EVA1C: variants seen among roughly 807,000 people sequenced by gnomAD.
The protein encoded by EVA1C is protein eva-1 homolog C.
Under a neutral mutation model 45.4 loss-of-function variants are expected in EVA1C, and 25 were observed. The ratio of observed to expected loss-of-function variants is 0.55; its 90% CI spans 0.40 to 0.77. The LOEUF is 0.77. EVA1C is among the 30% of genes least tolerant of loss of function. The pLI, the probability that EVA1C is intolerant of heterozygous loss-of-function variation, is 0.00. For missense variants in EVA1C, 479 were observed against 554.8 expected (o/e 0.86, Z 1.37); for synonymous variants, 190 against 221.2 (o/e 0.86, Z 1.25).
chr21:32,462,538 G>A (rs2036036020), intron 3 of EVA1C, among the ~76,000 whole-genome samples: 1 of 152,254 alleles, frequency 6.6e-6, no homozygotes, highest in Non-Finnish European at 1.5e-5. Flanking sequence ...GGTGGCTAGT[G>A]ATGTGTTGGG....
intron 4 of EVA1C, among the ~76,000 whole-genome samples, chr21:32,472,119 T>C (rs373455584): frequency 4.6e-5 from 7 of 152,200 alleles, no homozygotes; most frequent in African/African-American, 1.7e-4. Flanking sequence ...CTTTCATTCC[T>C]AGGAATGGTA....
chr21:32,515,154 C>A lies in EVA1C; in HGVS notation c.1290C>A (p.Asp430Glu), dbSNP rs1199335786. 1 of 1,600,210 alleles carries A rather than the reference C, an allele frequency of 6.2e-7. No homozygotes were observed. Among genetic ancestry groups the A allele is most frequent in the Non-Finnish European group, 8.5e-7 (1 of 1,170,456 alleles). Residue 430 changes from aspartate (D) to glutamate (E), a missense_variant, in exon 8 of 8, where the codon GAC (aspartate) becomes GAA (glutamate). Around this residue, in one of 3 missense-constraint regions of EVA1C, gnomAD observed 366 missense variants for 426.1 expected, o/e 0.86. Coordinates refer to ENST00000300255, the MANE Select transcript of EVA1C (RefSeq NM_058187.5). The part of the protein sequence containing the change: ...IQEIWMNSGL[D>E]TSLPRNMGQF... ...AAATATGGATGAACAGTGGTTTGGA[C>A]ACCTCGCTCCCAAGAAACATGGGCC...
At chr21:32,459,251 G>C (rs528053319) in intron 3 of EVA1C, among the ~76,000 whole-genome samples, 1 of 152,152 alleles carries the variant, frequency 6.6e-6, no homozygotes, top group East Asian at 1.9e-4. Flanking sequence ...CACATGTACA[G>C]ACAATCGCAA....
intron 3 of EVA1C, among the ~76,000 whole-genome samples, chr21:32,464,906 A>T (rs530500509): frequency 6.6e-6 from 1 of 152,294 alleles, no homozygotes; most frequent in Admixed American, 6.5e-5. Flanking sequence ...TGACACCAGG[A>T]TAAGAAGATC....
At chr21:32,470,756 TTTTC>T (rs1197209977) in intron 4 of EVA1C, among the ~76,000 whole-genome samples, 9 of 144,634 alleles carry the variant, frequency 6.2e-5, no homozygotes, top group South Asian at 4.4e-4. Flanking sequence ...TTCTTTTTCT[TTTTC>T]TTTCTTTTTT....
intron 1 of EVA1C, among the ~76,000 whole-genome samples, chr21:32,450,727 G>A (rs1213476588): frequency 1.3e-5 from 2 of 151,980 alleles, no homozygotes; most frequent in Non-Finnish European, 2.9e-5. Flanking sequence ...GTTTTATGAG[G>A]GCCTGCCTGT....
At chr21:32,501,281 GAAGA>G (rs1224066136) in intron 5 of EVA1C, 130 bp from the exon 6 acceptor site, 2 of 727,422 alleles carry the variant, frequency 2.7e-6, no homozygotes, top group African/African-American at 3.6e-5. Context: ...TATTTAACAG[GAAGA>G]GTGAGTGATT....
At chr21:32,422,210 G>A (rs997700681) in intron 1 of EVA1C, among the ~76,000 whole-genome samples, 1 of 152,118 alleles carries the variant, frequency 6.6e-6, no homozygotes, top group Non-Finnish European at 1.5e-5. Flanking sequence ...AAGCCTGATG[G>A]GTAGGTTGAA....
At chr21:32,439,580 C>A (rs1381102483) in intron 1 of EVA1C, among the ~76,000 whole-genome samples, 1 of 152,184 alleles carries the variant, frequency 6.6e-6, no homozygotes, top group Non-Finnish European at 1.5e-5. Flanking sequence ...AGAGACCTAT[C>A]TGAAATCCTC....
chr21:32,459,042 C>T (rs188635291), intron 3 of EVA1C, among the ~76,000 whole-genome samples: 9 of 152,180 alleles, frequency 5.9e-5, no homozygotes, highest in African/African-American at 1.9e-4. Flanking sequence ...TCAAAGCTGC[C>T]CTGTGTTCTT....
chr21:32,461,097 A>G (rs149622172), intron 3 of EVA1C, among the ~76,000 whole-genome samples: 42 of 152,350 alleles, frequency 2.8e-4, no homozygotes, highest in African/African-American at 9.9e-4. Context: ...TTTTTGGAGC[A>G]AGTGATGATG....
At chr21:32,494,608 C>T (rs1371289633) in intron 4 of EVA1C, among the ~76,000 whole-genome samples, 2 of 152,228 alleles carry the variant, frequency 1.3e-5, no homozygotes, top group East Asian at 3.9e-4. Flanking sequence ...CATGGTGAAA[C>T]CCCATCTCTA....
intron 4 of EVA1C, among the ~76,000 whole-genome samples, chr21:32,489,218 G>A (rs1032988395): frequency 1.3e-5 from 2 of 152,128 alleles, no homozygotes; most frequent in African/African-American, 4.8e-5. Context: ...GAGTTTTATG[G>A]TTTCCGGTCT....
At chr21:32,502,048 CTTT>C (rs2037572699) in intron 6 of EVA1C, among the ~76,000 whole-genome samples, 2 of 108,868 alleles carry the variant, frequency 1.8e-5, no homozygotes, top group African/African-American at 7.5e-5. Context: ...TTCTTTCTTT[CTTT>C]CTTCTTTCTT....
chr21:32,425,334 CAAAAAAA>C (rs60224656), intron 1 of EVA1C, among the ~76,000 whole-genome samples: 1 of 57,788 alleles, frequency 1.7e-5, no homozygotes, highest in Non-Finnish European at 3.3e-5. Context: ...GACTCCATCT[CAAAAAAA>C]AAAAAAAAAA....
rs2036717970 is a variant in EVA1C, at chr21:32,479,959, A to C, written c.634+12111A>C. Reference sequence around the variant, plus strand: ...GCTCTCATAGAATTTTTGCAGCTGCATGCCTTGGTAAACTTTTTCTGGATA... The same window carrying C: ...GCTCTCATAGAATTTTTGCAGCTGCCTGCCTTGGTAAACTTTTTCTGGATA... On this transcript the variant is annotated intron_variant, in intron 4 of 7. Coordinates refer to ENST00000300255, the MANE Select transcript of EVA1C (RefSeq NM_058187.5). 2.0e-5 allele frequency among the ~76,000 whole-genome samples: 3 copies of C among 151,938 alleles called. No homozygotes were observed. In the South Asian group the frequency reaches 6.2e-4, roughly 31 times the overall value.
intron 4 of EVA1C, among the ~76,000 whole-genome samples, chr21:32,492,554 T>C (rs1012582358): frequency 2.0e-5 from 3 of 151,968 alleles, no homozygotes; most frequent in Non-Finnish European, 4.4e-5. Flanking sequence ...GTGGCTGGGG[T>C]CCCTGCCCCT....
chr21:32,484,219 T>A (rs2036892711), intron 4 of EVA1C, among the ~76,000 whole-genome samples: 1 of 152,100 alleles, frequency 6.6e-6, no homozygotes, highest in Non-Finnish European at 1.5e-5. Context: ...TCGATGTTGA[T>A]GCTCTTGCAG....
chr21:32,494,633 A>C (rs1005061137), intron 4 of EVA1C, among the ~76,000 whole-genome samples: 2 of 152,144 alleles, frequency 1.3e-5, no homozygotes, highest in Admixed American at 1.3e-4. Context: ...AAATACAAAA[A>C]TTAGCTGGGC....
Sources: gnomAD v4.1 joint callset for allele counts (sites outside exome capture counted in the v4.1 genomes callset) on GRCh38, gnomAD v4.1.1 for gene constraint, gnomAD v4.1.1 regional missense constraint, MANE v1.5 for transcripts, NCBI Gene and HGNC (gene_info 2026-07-23, HGNC 2026-07-21) for gene names.